NHLH2: variants seen among roughly 807,000 people sequenced by gnomAD.
NHLH2 encodes the protein helix-loop-helix protein 2.
Under a neutral mutation model 7.3 loss-of-function variants are expected in NHLH2, and 7 were observed. The ratio of observed to expected loss-of-function variants is 0.96; its 90% CI spans 0.55 to 1.81. NHLH2 has a LOEUF of 1.81. Among genes scored for constraint, NHLH2 ranks in the 40% most tolerant of loss-of-function variants. The pLI is 0.00. For missense variants in NHLH2, 155 were observed against 194.0 expected (o/e 0.80, Z 1.19); for synonymous variants, 93 against 91.6 (o/e 1.01, Z -0.09).
downstream of NHLH2, among the ~76,000 whole-genome samples, chr1:115,832,890 A>C (rs1650785105): frequency 6.6e-6 from 1 of 152,130 alleles, no homozygotes; most frequent in Admixed American, 6.6e-5. Flanking sequence ...ATTGTGAGTA[A>C]AGGGGAAGTA....
At chr1:115,836,266 T>G (rs1420287835), downstream of NHLH2, 9 of 152,220 alleles carry the variant, frequency 5.9e-5, no homozygotes, top group African/African-American at 1.9e-4. Flanking sequence ...ATGTTAAGAT[T>G]TTGTTGTGCT....
chr1:115,838,327 A>T lies in NHLH2; in HGVS notation c.46T>A (p.Ser16Thr). Residue 16 changes from serine to threonine, a missense_variant, in exon 3 of 3, where the codon TCG (serine) becomes ACG (threonine). Physicochemically the swap from Ser to Thr is moderately conservative, Grantham distance 58. Coordinates refer to ENST00000320238, the MANE Select transcript of NHLH2 (RefSeq NM_005599.3). ...AGGGACTCCGGATCCGAGTGCGCCG[A>T]GCTGGGATGGTCCGAATCTGCTGCT... Reference protein sequence around the residue: ...DQAADSDHPSSAHSDPESLGG... With the variant: ...DQAADSDHPSTAHSDPESLGG... The T allele has an allele frequency of 6.2e-7, 1 of 1,609,518 alleles. No homozygotes were observed. The highest frequency in any genetic ancestry group is 8.5e-7 in the Non-Finnish European group (1 of 1,179,384).
chr1:115,837,312 G>A lies in NHLH2; in HGVS notation c.*653C>T, dbSNP rs959184828. 1.3e-5 allele frequency: 2 copies of A among 152,736 alleles called. No homozygotes were observed. The highest frequency in any genetic ancestry group is 2.9e-5 in the Non-Finnish European group (2 of 68,040). The allele number at this position is 152,736 out of a possible 1,614,324, so 9.5% of individuals were successfully genotyped here. A position where few individuals can be genotyped will look rare whatever the true frequency, so the allele number is the denominator to read the frequency against. On this transcript the variant is annotated 3_prime_UTR_variant, in exon 3 of 3. Coordinates refer to ENST00000320238, the MANE Select transcript of NHLH2 (RefSeq NM_005599.3). ...GTCTACCTTGGTGTCATATCTTGGG[G>A]ATAAAATATCACCAAGCTCAGATCC...
chr1:115,838,770 T>G, intron 2 of NHLH2: 3 of 202,258 alleles, frequency 1.5e-5, no homozygotes, highest in Non-Finnish European at 2.1e-5. Context: ...CTTCGTCCCC[T>G]TCCCGGACAA....
rs949408229 is a variant in NHLH2 at position 115,837,333 on chromosome 1, G to C, written c.*632C>G. ...TGGGGATAAAATATCACCAAGCTCA[G>C]ATCCTCCCACAGTGTGTCTACTTGT... On this transcript the variant is annotated 3_prime_UTR_variant, in exon 3 of 3. Transcript: ENST00000320238. 6 of 152,630 alleles carry C rather than the reference G, an allele frequency of 3.9e-5. No individual in the cohort carries two copies. The highest frequency in any genetic ancestry group is 7.2e-5 in the African/African-American group (3 of 41,444). 9.5% of individuals were successfully genotyped at this position (152,630 alleles called of 1,614,324 possible).
chr1:115,838,168 G>T lies in NHLH2; in HGVS notation c.205C>A (p.Arg69Ser). Residue 69 changes from arginine to serine, a missense_variant, in exon 3 of 3, where the codon CGC becomes AGC. By Grantham distance (110) the Arg-to-Ser change is moderately radical. Transcript: ENST00000320238. ...HPQQLSREEK[R>S]RRRRATAKYR... ...TTGGCCGTGGCGCGCCGGCGGCGGC[G>T]CTTCTCCTCGCGGCTCAGCTGCTGC... 2 of 1,579,330 alleles carry T rather than the reference G, an allele frequency of 1.3e-6. No homozygotes were observed. The highest frequency in any genetic ancestry group is 1.7e-6 in the Non-Finnish European group (2 of 1,164,450).
At chr1:115,831,646 C>T (rs530658610), downstream of NHLH2, among the ~76,000 whole-genome samples, 8 of 149,026 alleles carry the variant, frequency 5.4e-5, no homozygotes, top group Non-Finnish European at 1.0e-4. Context: ...TGGCTGGGCG[C>T]GGTGGCTCAC....
chr1:115,831,693 G>C (rs962172424), downstream of NHLH2, among the ~76,000 whole-genome samples: 9 of 152,024 alleles, frequency 5.9e-5, no homozygotes, highest in African/African-American at 1.7e-4. Flanking sequence ...CCTAGGGGGG[G>C]GCGGATCACC....
At position 115,838,079 on chromosome 1, in the gene NHLH2, G is replaced by A. The variant is rs1238227890; in HGVS notation, c.294C>T (p.Ala98=). 1 of 1,609,084 alleles carries A rather than the reference G, an allele frequency of 6.2e-7. No homozygotes were observed. Among genetic ancestry groups the A allele is most frequent in the Non-Finnish European group, 8.5e-7 (1 of 1,178,180 alleles). The change falls in exon 3 of 3, where the codon GCC becomes GCT. Residue 98 remains alanine (A), a synonymous_variant. Transcript: ENST00000320238. ...GCGTGGGCAGCAATTTGCGGAGCTC[G>A]GCGAAGGCCAAGTTGAAGGCTTCCA... The part of the protein sequence containing the change: ...IRVEAFNLAF[A]ELRKLLPTLP...
At chr1:115,833,211 G>A (rs370916716), downstream of NHLH2, among the ~76,000 whole-genome samples, 4 of 152,144 alleles carry the variant, frequency 2.6e-5, no homozygotes, top group Admixed American at 6.5e-5. Flanking sequence ...AGTGAATGAC[G>A]GTGCCCTGGT....
chr1:115,838,933 T>G (rs1570909128), intron 2 of NHLH2: 1 of 167,560 alleles, frequency 6.0e-6, no homozygotes, highest in East Asian at 1.9e-4. Context: ...CGGGGGCGCC[T>G]GGCTCTGGGG....
downstream of NHLH2, among the ~76,000 whole-genome samples, chr1:115,836,062 G>T (rs1650863934): frequency 6.6e-6 from 1 of 152,112 alleles, no homozygotes; most frequent in Admixed American, 6.5e-5. Context: ...ATTTGAAGAG[G>T]CTGGGTTAGA....
At chr1:115,832,709 G>A (rs1650780956), downstream of NHLH2, among the ~76,000 whole-genome samples, 1 of 152,190 alleles carries the variant, frequency 6.6e-6, no homozygotes, top group South Asian at 2.1e-4. Context: ...GGAGAAACAG[G>A]TAAATTCAGT....
At chr1:115,840,623 A>G (rs1651045437) in intron 1 of NHLH2, 79 bp from the exon 2 acceptor site, 1 of 167,016 alleles carries the variant, frequency 6.0e-6, no homozygotes, top group Non-Finnish European at 1.5e-5. Flanking sequence ...ATAGCGGAAT[A>G]ATCAATAAGA....
chr1:115,837,945 C>G lies in NHLH2; in HGVS notation c.*20G>C. ...TTTCGCGGACGCCGGGACAGGCGGC[C>G]CCCCGCGGCGCACCCCGCCCTACAC... On this transcript the variant is annotated 3_prime_UTR_variant, in exon 3 of 3. Coordinates refer to ENST00000320238, the MANE Select transcript of NHLH2 (RefSeq NM_005599.3). 1 of 1,585,964 alleles carries G rather than the reference C, an allele frequency of 6.3e-7. No individual in the cohort carries two copies. The highest frequency in any genetic ancestry group is 8.6e-7 in the Non-Finnish European group (1 of 1,168,608).
chr1:115,838,490 C>T, intron 2 of NHLH2, 110 bp from the exon 3 acceptor site: 4 of 1,296,768 alleles, frequency 3.1e-6, no homozygotes, highest in Non-Finnish European at 4.3e-6. Context: ...GCGGCCCGGG[C>T]CCCCTCCCCA....
At chr1:115,839,518 C>G (rs1161891336) in intron 2 of NHLH2, 1 of 166,882 alleles carries the variant, frequency 6.0e-6, no homozygotes, top group Non-Finnish European at 1.5e-5. Context: ...AGCACTGGCC[C>G]GGACTGTGCG....
downstream of NHLH2, among the ~76,000 whole-genome samples, chr1:115,833,322 A>G (rs1028012675): frequency 1.3e-5 from 2 of 152,226 alleles, no homozygotes; most frequent in African/African-American, 4.8e-5. Flanking sequence ...GCCAAGGCAC[A>G]TGCTTGACTT....
chr1:115,838,420 G>A (rs1279946904), intron 2 of NHLH2, 40 bp from the exon 3 acceptor site: 1 of 1,593,970 alleles, frequency 6.3e-7, no homozygotes, highest in Non-Finnish European at 8.5e-7. Context: ...AAAGGAATCA[G>A]GGTATTTTGC....
Sources: allele counts gnomAD v4.1 joint callset (sites outside exome capture counted in the v4.1 genomes callset), GRCh38; gene constraint gnomAD v4.1.1; transcripts MANE v1.5; gene names NCBI Gene and HGNC (gene_info 2026-07-23, HGNC 2026-07-21).